The following DDX20 variants were observed in gnomAD, a reference collection of about 807,000 sequenced individuals.
DDX20 encodes the protein probable ATP-dependent RNA helicase DDX20.
DDX20 carries 61 observed loss-of-function variants against 76.4 expected under a neutral mutation model. The observed-to-expected ratio is 0.80, with a 90% CI of 0.65 to 0.99. The LOEUF is 0.99. Among genes scored for constraint, DDX20 ranks in the 50% least tolerant of loss-of-function variants. The pLI, the probability that DDX20 is intolerant of heterozygous loss-of-function variation, is 0.00. For synonymous variants in DDX20, 357 were observed against 357.4 expected (o/e 1.00, Z 0.01); for missense variants, 976 against 996.8 (o/e 0.98, Z 0.28).
chr1:111,756,110 C>T lies in DDX20; in HGVS notation c.186C>T (p.Ala62=), dbSNP rs760114736. 3.1e-6 allele frequency: 5 copies of T among 1,597,294 alleles called. No individual in the cohort carries two copies. Among genetic ancestry groups the T allele is most frequent in the South Asian group, 2.2e-5 (2 of 90,328 alleles). The change falls in exon 1 of 11, where the codon GCC becomes GCT. Residue 62 remains alanine, a synonymous_variant. Coordinates refer to ENST00000369702, the MANE Select transcript of DDX20 (RefSeq NM_007204.5). ...GGGATGTGCTGTTGGCGGAGCCGGC[C>T]GACTTCGAGTCACTGCTGCTTTCGC... ...RTGDVLLAEP[A]DFESLLLSRP...
intron 1 of DDX20, 50 bp downstream of exon 1, chr1:111,756,275 G>T: frequency 2.2e-6 from 2 of 903,464 alleles, no homozygotes; most frequent in African/African-American, 1.8e-5. Context: ...GGAGAAGGGG[G>T]ACCGACGGGC....
chr1:111,766,350 G>A lies in DDX20; in HGVS notation c.1926G>A (p.Val642=), dbSNP rs197413. The change falls in exon 11 of 11, where the codon GTG becomes GTA. Residue 642 remains valine, a synonymous_variant. Transcript: ENST00000369702. ...AAGTTATTGAACAGAGAGTCCCTGT[G>A]TTGGCAAGTAGTAGCCAATCTGGAG... The part of the protein sequence containing the change: ...RNKVIEQRVP[V]LASSSQSGDS... 660,999 of 1,613,552 alleles carry A rather than the reference G, an allele frequency of 0.41. 140,356 individuals are homozygous for A. The highest frequency in any genetic ancestry group is 0.7 in the African/African-American group (52,437 of 74,942).
rs559769806 is a variant in DDX20, at chr1:111,758,073, G to T, written c.397-1327G>T. 9.9e-5 allele frequency among the ~76,000 whole-genome samples: 15 copies of T among 152,086 alleles called. No homozygotes were observed. In the South Asian group the frequency reaches 2.7e-3, roughly 27 times the overall value. On this transcript the variant is annotated intron_variant, in intron 2 of 10. Coordinates refer to ENST00000369702, the MANE Select transcript of DDX20 (RefSeq NM_007204.5). ...GTGTTTCGCCATGTCGGCCAGGCTG[G>T]TCTCAAACTCCTGACCTCAGGTAAT...
At chr1:111,765,344 A>C (rs1663758224) in intron 10 of DDX20, among the ~76,000 whole-genome samples, 1 of 152,160 alleles carries the variant, frequency 6.6e-6, no homozygotes, top group Non-Finnish European at 1.5e-5. Context: ...CCTAGTTGAT[A>C]AGCTTTGGGG....
chr1:111,762,020 T>C (rs1270832710), intron 7 of DDX20: 7 of 421,092 alleles, frequency 1.7e-5, no homozygotes, highest in Non-Finnish European at 3.0e-5. Context: ...TATTCAGGCA[T>C]GGCCTGATCA....
chr1:111,765,878 T>C lies in DDX20; in HGVS notation c.1454T>C (p.Ile485Thr). Reference protein sequence around the residue: ...QIQKIERTLQIQKAHGDHMAS... With the variant: ...QIQKIERTLQTQKAHGDHMAS... Reference sequence around the variant, plus strand: ...CAGAAAATAGAGAGAACCCTTCAAATTCAGAAAGCTCATGGTGACCACATG... The same window carrying C: ...CAGAAAATAGAGAGAACCCTTCAAACTCAGAAAGCTCATGGTGACCACATG... The change falls in exon 11 of 11, where the codon ATT becomes ACT. Residue 485 changes from isoleucine to threonine, a missense_variant. Ile to Thr is a moderately conservative substitution (Grantham distance 89). This residue lies in a region of DDX20 where 630 missense variants were observed against 693.7 expected (regional missense o/e 0.91). Coordinates refer to ENST00000369702, the MANE Select transcript of DDX20 (RefSeq NM_007204.5). 6.2e-7 allele frequency: 1 copy of C among 1,614,114 alleles called. No homozygotes were observed. The highest frequency in any genetic ancestry group is 8.5e-7 in the Non-Finnish European group (1 of 1,179,988).
At position 111,766,154 on chromosome 1, in the gene DDX20, G is replaced by A; in HGVS notation, c.1730G>A (p.Cys577Tyr). The A allele has an allele frequency of 1.2e-6, 2 of 1,614,180 alleles. No homozygotes were observed. Among genetic ancestry groups the A allele is most frequent in the South Asian group, 1.1e-5 (1 of 91,082 alleles). ...CCTGTGTCACTCCCCCAGATTCCTT[G>A]TCTGTCTTCCTTTAAAATCCATCAG... ...ALPVSLPQIPCLSSFKIHQPY... is the reference protein window; with the variant it reads ...ALPVSLPQIPYLSSFKIHQPY... The change falls in exon 11 of 11, where the codon TGT (cysteine) becomes TAT (tyrosine). Residue 577 changes from cysteine (C) to tyrosine (Y), a missense_variant. This residue lies in a region of DDX20 where 630 missense variants were observed against 693.7 expected (regional missense o/e 0.91). Transcript: ENST00000369702.
intron 2 of DDX20, among the ~76,000 whole-genome samples, chr1:111,759,085 A>G (rs192801264): frequency 1.4e-4 from 21 of 152,362 alleles, no homozygotes; most frequent in Middle Eastern, 3.4e-3. Flanking sequence ...AACCATTTAC[A>G]TAGCATTTAA....
Position 111,760,769 on chromosome 1 carries a change from A to G in DDX20, c.744A>G (p.Glu248=), listed in dbSNP as rs781570254. The stretch of plus-strand genomic sequence containing the variant: ...TGGCAGTATCAGCTACTTATCCCGA[A>G]TTTTTGGCTAATGCTTTGACAAAGT... ...QMLAVSATYP[E]FLANALTKYM... Residue 248 remains glutamate (E), a synonymous_variant, in exon 5 of 11, where the codon GAA becomes GAG. Transcript: ENST00000369702. 266 of 1,613,682 alleles carry G rather than the reference A, an allele frequency of 1.6e-4. 1 individual carries two copies. The highest frequency in any genetic ancestry group is 7.6e-6 in the Non-Finnish European group (9 of 1,179,932).
Position 111,766,154 on chromosome 1 carries a change from G to C in DDX20, c.1730G>C (p.Cys577Ser). 6.2e-7 allele frequency: 1 copy of C among 1,614,180 alleles called. No individual in the cohort carries two copies. The highest frequency in any genetic ancestry group is 8.5e-7 in the Non-Finnish European group (1 of 1,180,038). Residue 577 changes from cysteine to serine, a missense_variant, in exon 11 of 11, where the codon TGT becomes TCT. Physicochemically the swap from Cys to Ser is moderately radical, Grantham distance 112 (BLOSUM62 -1). This residue lies in a region of DDX20 where 630 missense variants were observed against 693.7 expected (regional missense o/e 0.91). Transcript: ENST00000369702. ...ALPVSLPQIP[C>S]LSSFKIHQPY... ...CCTGTGTCACTCCCCCAGATTCCTT[G>C]TCTGTCTTCCTTTAAAATCCATCAG...
intron 10 of DDX20, among the ~76,000 whole-genome samples, chr1:111,763,584 AAAG>A (rs1372094845): frequency 1.3e-5 from 2 of 151,922 alleles, no homozygotes; most frequent in Non-Finnish European, 2.9e-5. Context: ...AAAAAAAAAA[AAAG>A]AAAGAAAAAT....
At chr1:111,757,594 A>G (rs1192722173) in intron 2 of DDX20, among the ~76,000 whole-genome samples, 4 of 152,190 alleles carry the variant, frequency 2.6e-5, no homozygotes, top group African/African-American at 9.7e-5. Context: ...GTTATGGCAG[A>G]CTGTATTTCA....
intron 2 of DDX20, among the ~76,000 whole-genome samples, chr1:111,758,793 C>A (rs911297897): frequency 1.1e-4 from 16 of 152,046 alleles, no homozygotes; most frequent in Admixed American, 1.0e-3. Flanking sequence ...TTTTTGTTTA[C>A]TGTATATATT....
chr1:111,766,016 C>T lies in DDX20; in HGVS notation c.1592C>T (p.Thr531Met), dbSNP rs143127259. ...GAATGTGGAATCATAGAAAAAGCAA[C>T]GTCACCAAAAGAACTGGGCTGTGAC... The part of the protein sequence containing the change: ...HSECGIIEKA[T>M]SPKELGCDRQ... Residue 531 changes from threonine (T) to methionine (M), a missense_variant, in exon 11 of 11, where the codon ACG (threonine) becomes ATG (methionine). Coordinates refer to ENST00000369702, the MANE Select transcript of DDX20 (RefSeq NM_007204.5). The T allele has an allele frequency of 2.2e-5, 35 of 1,614,006 alleles. No homozygotes were observed. The highest frequency in any genetic ancestry group is 4.5e-5 in the East Asian group (2 of 44,892).
At chr1:111,756,266 G>GGGGGGGGCAC in intron 1 of DDX20, 41 bp downstream of exon 1, 1 of 842,538 alleles carries the variant, frequency 1.2e-6, no homozygotes, top group Non-Finnish European at 1.7e-6. Context: ...GGTGGGGTGG[G>GGGGGGGGCAC]AGAAGGGGGA....
chr1:111,756,194 C>A lies in DDX20; in HGVS notation c.270C>A (p.Leu90=). 1 of 1,493,638 alleles carries A rather than the reference C, an allele frequency of 6.7e-7. No individual in the cohort carries two copies. Among genetic ancestry groups the A allele is most frequent in the South Asian group, 1.3e-5 (1 of 79,018 alleles). The allele number at this position is 1,493,638 out of a possible 1,614,324, so 92.5% of individuals were successfully genotyped here. A position where few individuals can be genotyped will look rare whatever the true frequency, so the allele number is the denominator to read the frequency against. ...AGFERPSPVQ[L]KAIPLGRCGL... is the part of the protein sequence containing the mutation. Reference sequence around the variant, plus strand: ...TCGAGAGGCCCTCGCCGGTGCAGCTCAAGGCCATCCCGTTGGGGCGCTGCG... The same window carrying A: ...TCGAGAGGCCCTCGCCGGTGCAGCTAAAGGCCATCCCGTTGGGGCGCTGCG... Residue 90 remains leucine, a synonymous_variant, in exon 1 of 11, where the codon CTC becomes CTA. Transcript: ENST00000369702.
intron 10 of DDX20, among the ~76,000 whole-genome samples, chr1:111,765,093 G>T (rs1391738529): frequency 6.6e-6 from 1 of 152,254 alleles, no homozygotes; most frequent in Non-Finnish European, 1.5e-5. Flanking sequence ...TGAAAGGTCT[G>T]AGTGTGGGAA....
chr1:111,762,362 G>T, intron 8 of DDX20, 25 bp downstream of exon 8: 1 of 1,558,778 alleles, frequency 6.4e-7, no homozygotes, highest in South Asian at 1.1e-5. Context: ...CAGTTTGGGT[G>T]ACTAATCCAT....
At chr1:111,760,338 G>C in intron 3 of DDX20, 136 bp from the exon 4 acceptor site, 1 of 603,260 alleles carries the variant, frequency 1.7e-6, no homozygotes, top group Non-Finnish European at 2.9e-6. Context: ...GTGGTTTAGT[G>C]TGTACATGCA....
Sources: allele counts gnomAD v4.1 joint callset (sites outside exome capture counted in the v4.1 genomes callset), GRCh38; gene constraint gnomAD v4.1.1; regional missense constraint gnomAD v4.1.1; transcripts MANE v1.5; gene names NCBI Gene and HGNC (gene_info 2026-07-23, HGNC 2026-07-21).